The following ARHGAP15 variants were observed in gnomAD, a reference collection of about 807,000 sequenced individuals.
ARHGAP15 encodes the protein Rho GTPase activating protein 15.
Under a neutral mutation model 63.7 loss-of-function variants are expected in ARHGAP15, and 51 were observed. The ratio of observed to expected loss-of-function variants is 0.80; its 90% confidence interval spans 0.64 to 1.01. The LOEUF (loss-of-function observed/expected upper bound fraction) is 1.01, where lower values mean the gene tolerates loss of function less well. Among genes scored for constraint, ARHGAP15 ranks in the 50% least tolerant of loss-of-function variants. ARHGAP15 has a pLI of 0.00. For missense variants in ARHGAP15, 560 were observed against 564.6 expected (o/e 0.99, Z 0.08); for synonymous variants, 191 against 193.8 (o/e 0.99, Z 0.12).
At chr2:143,143,201 T>C (rs1017888648) in intron 1 of ARHGAP15, among the ~76,000 whole-genome samples, 1 of 152,070 alleles carries the variant, frequency 6.6e-6, no homozygotes, top group Non-Finnish European at 1.5e-5. Context: ...CTTGTTTAAG[T>C]GGAGTATCTA....
chr2:143,416,135 A>T lies in ARHGAP15; in HGVS notation c.475-19466A>T, dbSNP rs903443865. 9.9e-5 allele frequency among the ~76,000 whole-genome samples: 9 copies of T among 90,460 alleles called. 1 individual carries two copies. Among genetic ancestry groups the T allele is most frequent in the South Asian group, 6.3e-4 (2 of 3,160 alleles). 59.3% of individuals were successfully genotyped at this position (90,460 alleles called of 152,430 possible). On this transcript the variant is annotated intron_variant, in intron 6 of 13. Coordinates refer to ENST00000295095, the MANE Select transcript of ARHGAP15 (RefSeq NM_018460.4). ...CCAATAACCTATGGAAATAATAATT[A>T]AAAAAAAAAAAACCTAGATGATGGA...
intron 12 of ARHGAP15, among the ~76,000 whole-genome samples, chr2:143,680,313 A>G (rs963970849): frequency 8.5e-5 from 13 of 152,240 alleles, no homozygotes; most frequent in African/African-American, 3.1e-4. Context: ...AGCATTAATA[A>G]ATCTAGCAAT....
At chr2:143,477,894 G>A (rs1691898741) in intron 8 of ARHGAP15, among the ~76,000 whole-genome samples, 1 of 152,334 alleles carries the variant, frequency 6.6e-6, no homozygotes, top group Admixed American at 6.5e-5. Context: ...AGAAGAATGG[G>A]ATTTCCCAGT....
At chr2:143,686,450 C>G (rs1162172799) in intron 12 of ARHGAP15, among the ~76,000 whole-genome samples, 1 of 139,366 alleles carries the variant, frequency 7.2e-6, no homozygotes, top group Non-Finnish European at 1.5e-5. Flanking sequence ...ATATAGCAAT[C>G]ACTCCCAACC....
intron 6 of ARHGAP15, among the ~76,000 whole-genome samples, chr2:143,272,406 A>G (rs1399138178): frequency 6.6e-6 from 1 of 152,026 alleles, no homozygotes; most frequent in Non-Finnish European, 1.5e-5. Flanking sequence ...TGAGGTGGAT[A>G]GATCATTTGA....
Position 143,264,604 on chromosome 2 carries a change from C to T in ARHGAP15, c.474+14004C>T, listed in dbSNP as rs927848436. 5.3e-5 allele frequency among the ~76,000 whole-genome samples: 8 copies of T among 152,054 alleles called. No individual in the cohort carries two copies. In the East Asian group the frequency reaches 7.7e-4, roughly 15 times the overall value. On this transcript the variant is annotated intron_variant, in intron 6 of 13. Coordinates refer to ENST00000295095, the MANE Select transcript of ARHGAP15 (RefSeq NM_018460.4). The stretch of plus-strand genomic sequence containing the variant: ...CTAACTTATCTAGTAATGACAGTCC[C>T]GGGCTTGTGGTCATATCACCCTATG...
chr2:143,612,164 A>G (rs551647614), intron 11 of ARHGAP15, among the ~76,000 whole-genome samples: 1 of 152,304 alleles, frequency 6.6e-6, no homozygotes, highest in East Asian at 1.9e-4. Context: ...CTGGCTTCCA[A>G]GCTAAGTTCT....
At chr2:143,725,121 T>C (rs1334533018) in intron 13 of ARHGAP15, among the ~76,000 whole-genome samples, 1 of 152,284 alleles carries the variant, frequency 6.6e-6, no homozygotes, top group African/African-American at 2.4e-5. Context: ...ATATGATAAG[T>C]GTTTTTGACC....
chr2:143,534,528 A>T (rs1406949873), intron 10 of ARHGAP15, among the ~76,000 whole-genome samples: 1 of 127,424 alleles, frequency 7.8e-6, no homozygotes, highest in Non-Finnish European at 1.7e-5. Context: ...CAGAGATCTG[A>T]TGATTTCATG....
intron 12 of ARHGAP15, among the ~76,000 whole-genome samples, chr2:143,694,433 T>C (rs1308009603): frequency 6.6e-6 from 1 of 152,224 alleles, no homozygotes; most frequent in Non-Finnish European, 1.5e-5. Flanking sequence ...CCAGTGCAGG[T>C]AACGGCTTTA....
At chr2:143,670,201 A>G (rs1682446669) in intron 12 of ARHGAP15, among the ~76,000 whole-genome samples, 2 of 152,194 alleles carry the variant, frequency 1.3e-5, no homozygotes, top group African/African-American at 2.4e-5. Context: ...TTCTGCTCCC[A>G]ACCACATTTC....
chr2:143,374,244 A>G (rs1169866482), intron 6 of ARHGAP15, among the ~76,000 whole-genome samples: 1 of 152,184 alleles, frequency 6.6e-6, no homozygotes, highest in Non-Finnish European at 1.5e-5. Context: ...AAAATGGGAT[A>G]TAGAATATTA....
chr2:143,382,064 C>G lies in ARHGAP15; in HGVS notation c.475-53537C>G, dbSNP rs180773297. 4.8e-5 allele frequency among the ~76,000 whole-genome samples: 7 copies of G among 146,184 alleles called. No individual in the cohort carries two copies. In the East Asian group the frequency reaches 1.4e-3, roughly 30 times the overall value. Reference sequence around the variant, plus strand: ...CCCTTCTTTCCTTTCTTGCTTCTTTCCTTCCTTCCTTCCTTCCTTTCCTTC... The same window carrying G: ...CCCTTCTTTCCTTTCTTGCTTCTTTGCTTCCTTCCTTCCTTCCTTTCCTTC... On this transcript the variant is annotated intron_variant, in intron 6 of 13. Coordinates refer to ENST00000295095, the MANE Select transcript of ARHGAP15 (RefSeq NM_018460.4).
chr2:143,687,536 C>T (rs778768962), intron 12 of ARHGAP15, among the ~76,000 whole-genome samples: 9 of 152,184 alleles, frequency 5.9e-5, no homozygotes, highest in Non-Finnish European at 1.0e-4. Flanking sequence ...AGTGCCCCTA[C>T]GCCCAATAAC....
chr2:143,731,317 A>G (rs935001767), intron 13 of ARHGAP15, among the ~76,000 whole-genome samples: 1 of 152,174 alleles, frequency 6.6e-6, no homozygotes, highest in African/African-American at 2.4e-5. Context: ...CTGGTTTCCA[A>G]TGGGGGTAAT....
At chr2:143,440,586 A>G (rs1021212520) in intron 8 of ARHGAP15, among the ~76,000 whole-genome samples, 1 of 152,208 alleles carries the variant, frequency 6.6e-6, no homozygotes, top group Admixed American at 6.5e-5. Flanking sequence ...CAGTTTGTCT[A>G]TATAACATGG....
intron 4 of ARHGAP15, among the ~76,000 whole-genome samples, chr2:143,221,190 A>C (rs1574109692): frequency 6.6e-6 from 1 of 152,296 alleles, no homozygotes; most frequent in East Asian, 1.9e-4. Flanking sequence ...AATCCATAAT[A>C]GATCATCATA....
At chr2:143,250,630 C>T (rs370211079) in intron 6 of ARHGAP15, 30 bp downstream of exon 6, 2 of 1,559,620 alleles carry the variant, frequency 1.3e-6, no homozygotes, top group Non-Finnish European at 1.8e-6. Context: ...TCAATTTATT[C>T]CTATTCTCTC....
intron 12 of ARHGAP15, among the ~76,000 whole-genome samples, chr2:143,696,056 T>C (rs574808129): frequency 3.9e-5 from 6 of 152,250 alleles, no homozygotes; most frequent in East Asian, 1.9e-4. Flanking sequence ...CTTCCAGAAA[T>C]TGATTAAATA....
Sources: gnomAD v4.1 joint callset for allele counts (sites outside exome capture counted in the v4.1 genomes callset) on GRCh38, gnomAD v4.1.1 for gene constraint, MANE v1.5 for transcripts, NCBI Gene and HGNC (gene_info 2026-07-23, HGNC 2026-07-21) for gene names.